SIL1: variants seen among roughly 807,000 people sequenced by gnomAD.
SIL1 encodes nucleotide exchange factor SIL1.
SIL1 carries 40 observed loss-of-function variants against 49.1 expected under a neutral mutation model. The ratio of observed to expected loss-of-function variants is 0.81; its 90% CI spans 0.63 to 1.06. The LOEUF is 1.06. Ranked by LOEUF, SIL1 falls within the 50% of genes least tolerant of loss-of-function variation. SIL1 has a pLI of 0.00. For missense variants in SIL1, 500 were observed against 572.6 expected (o/e 0.87, Z 1.29); for synonymous variants, 253 against 250.8 (o/e 1.01, Z -0.08).
chr5:138,950,809 G>A (rs1766753027), intron 9 of SIL1, among the ~76,000 whole-genome samples: 1 of 152,188 alleles, frequency 6.6e-6, no homozygotes, highest in African/African-American at 2.4e-5. Context: ...AAGAGTGAGT[G>A]CCATTCGAAG....
intron 1 of SIL1, among the ~76,000 whole-genome samples, chr5:139,166,169 TCCCTAA>T (rs2151812783): frequency 6.6e-6 from 1 of 152,280 alleles, no homozygotes; most frequent in South Asian, 2.1e-4. Context: ...GAAATCTGTC[TCCCTAA>T]CTAGACAACA....
chr5:139,144,353 G>C (rs1174934574), intron 1 of SIL1, among the ~76,000 whole-genome samples: 3 of 151,908 alleles, frequency 2.0e-5, no homozygotes, highest in African/African-American at 7.3e-5. Context: ...AAACAGCAAA[G>C]TTGAGGGGAA....
chr5:139,003,222 AC>A (rs1282006950), intron 7 of SIL1, among the ~76,000 whole-genome samples: 1 of 151,872 alleles, frequency 6.6e-6, no homozygotes, highest in Non-Finnish European at 1.5e-5. Flanking sequence ...GGACTCTCCC[AC>A]CCCCCAACTC....
chr5:139,155,109 CCTT>C (rs1334087745), intron 1 of SIL1, among the ~76,000 whole-genome samples: 1 of 152,154 alleles, frequency 6.6e-6, no homozygotes, highest in Non-Finnish European at 1.5e-5. Flanking sequence ...ATTATTCTAT[CCTT>C]CATTATGGAG....
rs1202121047 is a variant in SIL1 at position 139,121,023 on chromosome 5, TG to T, written c.244+11del. 1.9e-6 allele frequency: 3 copies of T among 1,613,882 alleles called. No homozygotes were observed. The highest frequency in any genetic ancestry group is 8.5e-7 in the Non-Finnish European group (1 of 1,180,036). On this transcript the variant is annotated intron_variant, in intron 3 of 9. Transcript: ENST00000394817. ...AAAGTGTGTTTTGTGGGGACAGGGC[TG>T]GGCCTGATACCTGGCTGAAGGGCCT...
chr5:139,078,528 G>C (rs903853437), intron 3 of SIL1, among the ~76,000 whole-genome samples: 1 of 152,104 alleles, frequency 6.6e-6, no homozygotes, highest in Admixed American at 6.5e-5. Context: ...CTTCCTGCTG[G>C]GGAGACGCAG....
At chr5:138,990,738 T>G (rs116013688) in intron 7 of SIL1, among the ~76,000 whole-genome samples, 1,811 of 152,292 alleles carry the variant, frequency 0.012, 33 homozygotes, top group African/African-American at 0.041. Context: ...AGCTGGCTTT[T>G]CTTTTCTTCG....
At chr5:139,123,032 C>A (rs1422509124) in intron 2 of SIL1, among the ~76,000 whole-genome samples, 6 of 152,172 alleles carry the variant, frequency 3.9e-5, no homozygotes, top group Non-Finnish European at 8.8e-5. Context: ...TGAGGTACTA[C>A]ATTGTAAACC....
Position 138,982,995 on chromosome 5 carries a change from G to A in SIL1, c.768-31111C>T, listed in dbSNP as rs374712924. Among the ~76,000 whole-genome samples the A allele has an allele frequency of 1.8e-4, 27 of 151,782 alleles. 1 individual carries two copies. In the South Asian group the frequency reaches 5.0e-3, roughly 28 times the overall value. On this transcript the variant is annotated intron_variant, in intron 7 of 9. Transcript: ENST00000394817. The stretch of plus-strand genomic sequence containing the variant: ...GCAGATCACCTAAGGTTAGGAGTTC[G>A]AGGCCAGCCTGGGCAACATGGTGAA...
At position 138,948,413 on chromosome 5, in the gene SIL1, A is replaced by G. The variant is rs1766683424; in HGVS notation, c.1030-940T>C. On this transcript the variant is annotated intron_variant, in intron 9 of 9. Coordinates refer to ENST00000394817, the MANE Select transcript of SIL1 (RefSeq NM_022464.5). This position sits in a 1 kb window ranked among gnomAD's most constrained non-coding sequence, Gnocchi z 4.8. The stretch of plus-strand genomic sequence containing the variant: ...CCACCTTTGTCCCTTGTGTCCTGCG[A>G]TCCAGTGCCTCCTGCTCTCACCCTC... Among the ~76,000 whole-genome samples, 4 of 152,214 alleles carry G rather than the reference A, an allele frequency of 2.6e-5. 1 individual carries two copies. In the South Asian group the frequency reaches 8.3e-4, roughly 32 times the overall value.
intron 7 of SIL1, among the ~76,000 whole-genome samples, chr5:138,995,747 C>T (rs1257850993): frequency 2.0e-5 from 3 of 152,106 alleles, no homozygotes; most frequent in African/African-American, 7.2e-5. Context: ...TGGTTACCAC[C>T]AATCTACTCT....
At chr5:138,976,808 T>G (rs1237693394) in intron 7 of SIL1, among the ~76,000 whole-genome samples, 1 of 152,182 alleles carries the variant, frequency 6.6e-6, no homozygotes, top group Non-Finnish European at 1.5e-5. Context: ...GAGAATGTAT[T>G]ACTTAAATAG....
intron 7 of SIL1, 145 bp downstream of exon 7, chr5:139,021,026 A>T: frequency 8.4e-7 from 1 of 1,188,928 alleles, no homozygotes; most frequent in Non-Finnish European, 1.2e-6. Flanking sequence ...ATCTACTTGG[A>T]ATAAGGGCAG....
At chr5:139,005,197 T>C (rs1561824097) in intron 7 of SIL1, among the ~76,000 whole-genome samples, 1 of 152,156 alleles carries the variant, frequency 6.6e-6, no homozygotes, top group Non-Finnish European at 1.5e-5. Context: ...TATATATATT[T>C]TGAAATATCA....
intron 6 of SIL1, chr5:139,021,939 C>A (rs1251686573): frequency 1.2e-5 from 2 of 160,750 alleles, no homozygotes; most frequent in Non-Finnish European, 2.7e-5. Flanking sequence ...TCAGACAGTG[C>A]AGAACATTTC....
rs1766792408 is a variant in SIL1 at position 138,952,022 on chromosome 5, G to C, written c.768-138C>G. The C allele has an allele frequency of 8.8e-6, 7 of 795,252 alleles. No individual in the cohort carries two copies. In the Admixed American group the frequency reaches 1.4e-4, roughly 16 times the overall value. 49.3% of individuals were successfully genotyped at this position (795,252 alleles called of 1,614,324 possible). On this transcript the variant is annotated intron_variant, in intron 7 of 9. Coordinates refer to ENST00000394817, the MANE Select transcript of SIL1 (RefSeq NM_022464.5). ...TCCCACACGGGGCAAGTCAAACTCA[G>C]CTGGGGAAACAAAGACCATCTGGCA...
At chr5:138,989,999 T>G (rs1167129959) in intron 7 of SIL1, among the ~76,000 whole-genome samples, 2 of 152,156 alleles carry the variant, frequency 1.3e-5, no homozygotes, top group Non-Finnish European at 2.9e-5. Flanking sequence ...TCCATGGCTC[T>G]TTGGGAAAGG....
At chr5:139,161,739 A>G (rs1751517782) in intron 1 of SIL1, among the ~76,000 whole-genome samples, 1 of 152,020 alleles carries the variant, frequency 6.6e-6, no homozygotes, top group African/African-American at 2.4e-5. Flanking sequence ...ATTGCTGGCC[A>G]GGTGCGGTGG....
chr5:139,144,893 A>G (rs1751163793), intron 1 of SIL1, among the ~76,000 whole-genome samples: 1 of 152,164 alleles, frequency 6.6e-6, no homozygotes, highest in African/African-American at 2.4e-5. Context: ...TTAAAACTAT[A>G]CAGTTCTTAG....
Sources: allele counts gnomAD v4.1 joint callset (sites outside exome capture counted in the v4.1 genomes callset), GRCh38; gene constraint gnomAD v4.1.1; non-coding constraint Gnocchi (gnomAD v3.1); transcripts MANE v1.5; gene names NCBI Gene and HGNC (gene_info 2026-07-23, HGNC 2026-07-21).